ZBTB7C: variants seen among roughly 807,000 people sequenced by gnomAD.
The protein encoded by ZBTB7C is zinc finger and BTB domain-containing protein 7C.
A neutral mutation model predicts 25.7 loss-of-function variants in ZBTB7C; 8 were observed. The ratio of observed to expected loss-of-function variants is 0.31; its 90% confidence interval spans 0.18 to 0.56. ZBTB7C has a LOEUF of 0.56. ZBTB7C is among the 20% of genes least tolerant of loss of function. ZBTB7C has a pLI of 0.91. For synonymous variants in ZBTB7C, 394 were observed against 369.0 expected (o/e 1.07, Z -0.78); for missense variants, 824 against 855.2 (o/e 0.96, Z 0.46).
At chr18:48,094,450 G>A (rs2038540031) in intron 3 of ZBTB7C, among the ~76,000 whole-genome samples, 2 of 152,146 alleles carry the variant, frequency 1.3e-5, no homozygotes, top group South Asian at 4.1e-4. Flanking sequence ...TCTGTAAAAC[G>A]AGAGAGTCAA....
chr18:48,039,615 G>T (rs1272046412), intron 4 of ZBTB7C, among the ~76,000 whole-genome samples: 1 of 152,212 alleles, frequency 6.6e-6, no homozygotes, highest in African/African-American at 2.4e-5. Context: ...AGCAACCAAG[G>T]TGCTTGAGGC....
intron 3 of ZBTB7C, among the ~76,000 whole-genome samples, chr18:48,089,206 C>T (rs1424547288): frequency 6.6e-5 from 10 of 152,094 alleles, no homozygotes; most frequent in South Asian, 2.1e-4. Context: ...CAGTGGCTCA[C>T]GCCTGTAATC....
chr18:48,081,626 C>T (rs767224516), intron 3 of ZBTB7C, among the ~76,000 whole-genome samples: 29 of 151,922 alleles, frequency 1.9e-4, no homozygotes, highest in Non-Finnish European at 3.4e-4. Flanking sequence ...GGCCTTTCTC[C>T]CTTCTTTTCC....
intron 2 of ZBTB7C, among the ~76,000 whole-genome samples, chr18:48,274,506 C>A (rs2044587664): frequency 6.6e-6 from 1 of 152,288 alleles, no homozygotes; most frequent in African/African-American, 2.4e-5. Context: ...CTCAGCACTG[C>A]CAAAGCTAAG....
intron 1 of ZBTB7C, among the ~76,000 whole-genome samples, chr18:48,389,199 T>A (rs982041433): frequency 3.9e-5 from 4 of 101,720 alleles, no homozygotes; most frequent in African/African-American, 1.5e-4. Context: ...ACTCTCTCTC[T>A]CTCTCTCTCT....
At chr18:48,351,159 C>T (rs895682756) in intron 1 of ZBTB7C, among the ~76,000 whole-genome samples, 3 of 152,136 alleles carry the variant, frequency 2.0e-5, no homozygotes, top group African/African-American at 7.2e-5. Context: ...CTCCCCACCC[C>T]AAGCCATGTG....
At chr18:48,395,220 G>C (rs2047993368) in intron 1 of ZBTB7C, among the ~76,000 whole-genome samples, 1 of 150,992 alleles carries the variant, frequency 6.6e-6, no homozygotes, top group Admixed American at 6.6e-5. Flanking sequence ...CACTGTGCTG[G>C]GTGCTTTTCA....
At chr18:48,347,292 G>T (rs1458610501) in intron 1 of ZBTB7C, among the ~76,000 whole-genome samples, 2 of 151,968 alleles carry the variant, frequency 1.3e-5, no homozygotes, top group Non-Finnish European at 2.9e-5. Flanking sequence ...CAAGTGATCG[G>T]CCTCCCAAAG....
At chr18:48,349,620 A>G (rs891973341) in intron 1 of ZBTB7C, among the ~76,000 whole-genome samples, 9 of 152,188 alleles carry the variant, frequency 5.9e-5, no homozygotes, top group African/African-American at 2.2e-4. Flanking sequence ...CTGGAGGAGG[A>G]AAGTTTAAAG....
intron 2 of ZBTB7C, among the ~76,000 whole-genome samples, chr18:48,236,429 G>A (rs1443939279): frequency 1.3e-5 from 2 of 152,294 alleles, no homozygotes; most frequent in East Asian, 3.9e-4. Context: ...GAACCCTAGG[G>A]AAACGGATAA....
intron 3 of ZBTB7C, among the ~76,000 whole-genome samples, chr18:48,168,824 C>A (rs1394498900): frequency 6.6e-6 from 1 of 152,238 alleles, no homozygotes; most frequent in Non-Finnish European, 1.5e-5. Context: ...ATAAACATGG[C>A]TTCTTATGCC....
intron 2 of ZBTB7C, among the ~76,000 whole-genome samples, chr18:48,226,713 A>T (rs188645097): frequency 6.6e-6 from 1 of 152,306 alleles, no homozygotes; most frequent in African/African-American, 2.4e-5. Flanking sequence ...GAGTTTGAGC[A>T]TCATACTGTT....
At chr18:48,376,542 G>A (rs185417859) in intron 1 of ZBTB7C, among the ~76,000 whole-genome samples, 25 of 152,306 alleles carry the variant, frequency 1.6e-4, no homozygotes, top group East Asian at 1.5e-3. Context: ...TCACTCAGCC[G>A]GTGACATTCT....
intron 3 of ZBTB7C, among the ~76,000 whole-genome samples, chr18:48,074,120 T>A (rs142382367): frequency 0.047 from 7,190 of 151,940 alleles, 556 homozygotes; most frequent in African/African-American, 0.16. Context: ...TTCAAGCAAT[T>A]CTCCTGTCTC....
chr18:48,296,770 C>T (rs943581535), intron 2 of ZBTB7C, among the ~76,000 whole-genome samples: 3 of 149,258 alleles, frequency 2.0e-5, no homozygotes, highest in Non-Finnish European at 3.0e-5. Context: ...AGGAGGTGAG[C>T]GGCGGGTGGA....
chr18:48,319,058 T>A (rs1274292152), intron 2 of ZBTB7C, among the ~76,000 whole-genome samples: 1 of 152,148 alleles, frequency 6.6e-6, no homozygotes, highest in Admixed American at 6.5e-5. Flanking sequence ...CGCTTTCTCC[T>A]ACCATAAATT....
chr18:48,235,213 G>GT (rs930344710), intron 2 of ZBTB7C, among the ~76,000 whole-genome samples: 1 of 151,878 alleles, frequency 6.6e-6, no homozygotes, highest in Non-Finnish European at 1.5e-5. Flanking sequence ...TTTATATGGT[G>GT]TTTTTTTCTA....
intron 3 of ZBTB7C, among the ~76,000 whole-genome samples, chr18:48,095,215 C>T (rs887784743): frequency 7.2e-5 from 11 of 152,140 alleles, no homozygotes; most frequent in Non-Finnish European, 1.6e-4. Context: ...TTCTCATGGC[C>T]ACTTTGAGGC....
At chr18:48,344,876 T>A (rs2046691947) in intron 1 of ZBTB7C, among the ~76,000 whole-genome samples, 1 of 152,244 alleles carries the variant, frequency 6.6e-6, no homozygotes, top group Non-Finnish European at 1.5e-5. Flanking sequence ...TATTTGTCAT[T>A]CTCTGGATTT....
Sources: gnomAD v4.1 joint callset for allele counts (sites outside exome capture counted in the v4.1 genomes callset) on GRCh38, gnomAD v4.1.1 for gene constraint, MANE v1.5 for transcripts, NCBI Gene and HGNC (gene_info 2026-07-23, HGNC 2026-07-21) for gene names.